The following ARHGAP23 variants were observed in gnomAD, a reference collection of about 807,000 sequenced individuals.
The protein encoded by ARHGAP23 is Rho GTPase activating protein 23, also known as rho GTPase-activating protein 23.
Under a neutral mutation model 136.3 loss-of-function variants are expected in ARHGAP23, and 34 were observed. The ratio of observed to expected loss-of-function variants is 0.25; its 90% CI spans 0.19 to 0.33. ARHGAP23 has a LOEUF of 0.33. Among genes scored for constraint, ARHGAP23 ranks in the 10% least tolerant of loss-of-function variants. The pLI is 1.00. For missense variants in ARHGAP23, 1,808 were observed against 2,139.0 expected, an observed-to-expected ratio of 0.85 and a Z score of 3.05; for synonymous variants, 832 against 920.5, an observed-to-expected ratio of 0.90 and a Z score of 1.74.
At chr17:38,464,404 C>T (rs1019535882) in intron 6 of ARHGAP23, among the ~76,000 whole-genome samples, 1 of 152,236 alleles carries the variant, frequency 6.6e-6, no homozygotes, top group African/African-American at 2.4e-5. Context: ...AGCCAGATGG[C>T]GGCTTACTTG....
intron 1 of ARHGAP23, among the ~76,000 whole-genome samples, chr17:38,419,893 G>T (rs1483478834): frequency 1.3e-5 from 2 of 152,216 alleles, no homozygotes; most frequent in East Asian, 3.9e-4. Context: ...ACATCAAGGG[G>T]TTTCTTCCAG....
At chr17:38,466,043 C>T (rs2144642973) in intron 6 of ARHGAP23, 124 bp from the exon 7 acceptor site, 5 of 549,298 alleles carry the variant, frequency 9.1e-6, no homozygotes, top group Non-Finnish European at 1.4e-5. Context: ...CTCCCTCGTT[C>T]CCCCCACCGC....
At chr17:38,453,386 C>G (rs1597774235) in intron 1 of ARHGAP23, among the ~76,000 whole-genome samples, 1 of 112,816 alleles carries the variant, frequency 8.9e-6, no homozygotes, top group African/African-American at 4.0e-5. Context: ...GGCTGTTTCT[C>G]TGGGTGGATG....
rs71138627 is a variant in ARHGAP23 at position 38,504,978 on chromosome 17, C to CTTTTTTT, written c.3447+4389_3447+4395dup. Among the ~76,000 whole-genome samples the CTTTTTTT allele has an allele frequency of 1.5e-3, 65 of 43,170 alleles. 17 individuals are homozygous for CTTTTTTT. Among genetic ancestry groups the CTTTTTTT allele is most frequent in the Non-Finnish European group, 2.5e-3 (50 of 20,290 alleles). 28.3% of individuals were successfully genotyped at this position (43,170 alleles called of 152,430 possible). ...ATTACTCAGAAGCCTCCCTTATCAT[C>CTTTTTTT]TTTTTTTTTTTTTTTTTTTTTTTTT... On this transcript the variant is annotated intron_variant, in intron 23 of 23. Transcript: ENST00000622683.
chr17:38,431,176 T>G (rs1011423606), intron 1 of ARHGAP23, among the ~76,000 whole-genome samples: 4 of 152,234 alleles, frequency 2.6e-5, no homozygotes, highest in African/African-American at 9.7e-5. Context: ...GTGTCCATTT[T>G]CTACACAGCC....
chr17:38,422,083 G>C (rs1434660654), intron 1 of ARHGAP23, among the ~76,000 whole-genome samples: 2 of 152,188 alleles, frequency 1.3e-5, no homozygotes, highest in African/African-American at 2.4e-5. Context: ...AGCATCCTGA[G>C]CTGGAATGAA....
chr17:38,481,248 G>A (rs1309697702), intron 14 of ARHGAP23, among the ~76,000 whole-genome samples: 2 of 151,842 alleles, frequency 1.3e-5, no homozygotes, highest in East Asian at 1.9e-4. Flanking sequence ...CTGGGTTCAC[G>A]CCATTCTCCT....
At chr17:38,508,465 A>G (rs549540827) in intron 23 of ARHGAP23, among the ~76,000 whole-genome samples, 107 of 152,304 alleles carry the variant, frequency 7.0e-4, no homozygotes, top group African/African-American at 2.5e-3. Flanking sequence ...GAAGAGCCCC[A>G]TGTGCTGAAC....
intron 22 of ARHGAP23, chr17:38,498,896 A>AC (rs1353790100): frequency 5.2e-6 from 2 of 382,494 alleles, no homozygotes; most frequent in Non-Finnish European, 8.9e-6. Flanking sequence ...CTCTCCTCCC[A>AC]CCCCCTTCTC....
At chr17:38,432,006 G>A (rs1359629984) in intron 1 of ARHGAP23, among the ~76,000 whole-genome samples, 2 of 152,178 alleles carry the variant, frequency 1.3e-5, no homozygotes, top group Non-Finnish European at 2.9e-5. Context: ...ACAGAGCCTG[G>A]CACAGAGCAG....
Position 38,498,036 on chromosome 17 carries a change from G to A in ARHGAP23, c.3318+210G>A, listed in dbSNP as rs142899874. 6.5e-3 allele frequency among the ~76,000 whole-genome samples: 981 copies of A among 152,010 alleles called. 10 individuals are homozygous for A. The highest frequency in any genetic ancestry group is 0.023 in the African/African-American group (944 of 41,454). On this transcript the variant is annotated intron_variant, in intron 21 of 23. Coordinates refer to ENST00000622683, the MANE Select transcript of ARHGAP23 (RefSeq NM_001199417.2). ...AGCTTGCCTTCAGGAATCCCCAGTCGAAATGGGGGAGATATAGGCCTTGCT... is the reference window on the plus strand; with the variant it reads ...AGCTTGCCTTCAGGAATCCCCAGTCAAAATGGGGGAGATATAGGCCTTGCT...
intron 10 of ARHGAP23, 90 bp from the exon 11 acceptor site, chr17:38,471,773 G>A: frequency 7.1e-7 from 1 of 1,415,332 alleles, no homozygotes; most frequent in Non-Finnish European, 9.6e-7. Flanking sequence ...ACATATATCA[G>A]GCCTGTGCGG....
intron 1 of ARHGAP23, among the ~76,000 whole-genome samples, chr17:38,435,001 G>C (rs1223598107): frequency 6.6e-6 from 1 of 152,214 alleles, no homozygotes; most frequent in African/African-American, 2.4e-5. Flanking sequence ...TTCCTGAAAA[G>C]GGACAGAAGG....
At chr17:38,436,901 T>G (rs2038810488) in intron 1 of ARHGAP23, among the ~76,000 whole-genome samples, 2 of 152,222 alleles carry the variant, frequency 1.3e-5, no homozygotes, top group South Asian at 4.1e-4. Flanking sequence ...AGCCGGAAGC[T>G]GGGTAGAATT....
upstream of ARHGAP23, among the ~76,000 whole-genome samples, chr17:38,427,280 C>T (rs1163800953): frequency 6.6e-6 from 1 of 152,082 alleles, no homozygotes; most frequent in African/African-American, 2.4e-5. Flanking sequence ...GCCTGGCCAT[C>T]CTGGTGAAAC....
At chr17:38,427,764 C>T (rs1258884713), upstream of ARHGAP23, among the ~76,000 whole-genome samples, 2 of 152,200 alleles carry the variant, frequency 1.3e-5, no homozygotes, top group East Asian at 3.9e-4. Context: ...CTCTTCTATG[C>T]TCGACTCCCC....
At chr17:38,465,757 C>G (rs1354403119) in intron 6 of ARHGAP23, among the ~76,000 whole-genome samples, 2 of 151,852 alleles carry the variant, frequency 1.3e-5, no homozygotes, top group Non-Finnish European at 2.9e-5. Context: ...GCTTTCTTCT[C>G]TCATCTGCCA....
chr17:38,433,691 C>A (rs1025884593), intron 1 of ARHGAP23, among the ~76,000 whole-genome samples: 1 of 152,204 alleles, frequency 6.6e-6, no homozygotes, highest in African/African-American at 2.4e-5. Context: ...GAGATGTCCC[C>A]AGCCTCTGGG....
intron 17 of ARHGAP23, among the ~76,000 whole-genome samples, chr17:38,488,625 T>C (rs1400295581): frequency 6.6e-6 from 1 of 152,256 alleles, no homozygotes; most frequent in African/African-American, 2.4e-5. Context: ...CTTGGCTCAC[T>C]GCAACCTCTG....
Sources: gnomAD v4.1 joint callset for allele counts (sites outside exome capture counted in the v4.1 genomes callset) on GRCh38, gnomAD v4.1.1 for gene constraint, MANE v1.5 for transcripts, NCBI Gene and HGNC (gene_info 2026-07-23, HGNC 2026-07-21) for gene names.